Variants in UNC5D observed in about 807,000 individuals in gnomAD.
UNC5D encodes the protein netrin receptor UNC5D.
In UNC5D, 39 loss-of-function variants were observed where a neutral mutation model predicts 105.4. The observed-to-expected ratio is 0.37, with a 90% CI of 0.29 to 0.48. The LOEUF is 0.48. Ranked by LOEUF, UNC5D falls within the 20% of genes least tolerant of loss-of-function variation. UNC5D has a pLI of 0.98. For missense variants in UNC5D, 991 were observed against 1,202.4 expected (o/e 0.82, Z 2.60); for synonymous variants, 452 against 450.4 (o/e 1.00, Z -0.04).
At chr8:35,765,421 G>A (rs1176172130) in intron 14 of UNC5D, among the ~76,000 whole-genome samples, 2 of 152,154 alleles carry the variant, frequency 1.3e-5, no homozygotes, top group South Asian at 2.1e-4. Context: ...TTCTTGAAAT[G>A]CCACTTTTCT....
chr8:35,266,881 G>A (rs1383670975), intron 1 of UNC5D, among the ~76,000 whole-genome samples: 5 of 152,136 alleles, frequency 3.3e-5, no homozygotes, highest in African/African-American at 7.2e-5. Context: ...CCAAAATGGA[G>A]CCTCTGGAGA....
intron 1 of UNC5D, among the ~76,000 whole-genome samples, chr8:35,424,580 C>T (rs576184701): frequency 2.0e-5 from 3 of 152,096 alleles, no homozygotes; most frequent in Non-Finnish European, 4.4e-5. Context: ...AAACAAGATT[C>T]CCTAGACCCC....
At chr8:35,480,049 G>A (rs554590210) in intron 1 of UNC5D, among the ~76,000 whole-genome samples, 10 of 152,256 alleles carry the variant, frequency 6.6e-5, no homozygotes, top group African/African-American at 2.4e-4. Context: ...AGATCACTCT[G>A]AGTTATCAGT....
rs182961215 is a variant in UNC5D, at chr8:35,537,988, G to C, written c.104-11304G>C. Among the ~76,000 whole-genome samples the C allele has an allele frequency of 5.3e-5, 8 of 152,178 alleles. No homozygotes were observed. The East Asian group carries it at 1.5e-3, about 29-fold the overall frequency. Reference sequence around the variant, plus strand: ...ATCCTTTGCTTTCATGGAACCTATAGTCTAGATATACATGATATCCATGAA... The same window carrying C: ...ATCCTTTGCTTTCATGGAACCTATACTCTAGATATACATGATATCCATGAA... On this transcript the variant is annotated intron_variant, in intron 1 of 16. Transcript: ENST00000404895.
chr8:35,265,526 G>A (rs1364898133), intron 1 of UNC5D, among the ~76,000 whole-genome samples: 1 of 152,032 alleles, frequency 6.6e-6, no homozygotes, highest in Non-Finnish European at 1.5e-5. Context: ...TGACCTGCAG[G>A]CTATAGTTTG....
At chr8:35,606,901 T>G (rs1286602808) in intron 4 of UNC5D, among the ~76,000 whole-genome samples, 2 of 152,202 alleles carry the variant, frequency 1.3e-5, no homozygotes, top group Non-Finnish European at 2.9e-5. Context: ...AGGATTCCTA[T>G]GAGAGGACAG....
chr8:35,371,914 A>G (rs28676524), intron 1 of UNC5D, among the ~76,000 whole-genome samples: 7,980 of 152,248 alleles, frequency 0.052, 243 homozygotes, highest in African/African-American at 0.086. Flanking sequence ...AAACCAAACA[A>G]GGATGAGCAA....
At position 35,407,507 on chromosome 8, in the gene UNC5D, T is replaced by TTGTATGTA. The variant is rs59074158; in HGVS notation, c.104-141751_104-141744dup. Among the ~76,000 whole-genome samples, 694 of 150,916 alleles carry TTGTATGTA rather than the reference T, an allele frequency of 4.6e-3. 2 individuals carry two copies. Among genetic ancestry groups the TTGTATGTA allele is most frequent in the African/African-American group, 0.011 (433 of 40,968 alleles). On this transcript the variant is annotated intron_variant, in intron 1 of 16. Transcript: ENST00000404895. ...GCACTACAGAAATACAGGTTTTCATTTGTATGTATGTATGTATGTATGTAT... is the reference window on the plus strand; with the variant it reads ...GCACTACAGAAATACAGGTTTTCATTTGTATGTATGTATGTATGTATGTATGTATGTAT...
chr8:35,603,499 C>A (rs1326218960), intron 4 of UNC5D, among the ~76,000 whole-genome samples: 1 of 151,996 alleles, frequency 6.6e-6, no homozygotes, highest in African/African-American at 2.4e-5. Flanking sequence ...TGGTGTGGTG[C>A]TGAAAAGAAT....
chr8:35,525,537 G>A, intron 1 of UNC5D: 2 of 1,612,348 alleles, frequency 1.2e-6, no homozygotes, highest in South Asian at 1.1e-5. Context: ...TAGGGGAGGA[G>A]GGGTTTCTGT....
intron 1 of UNC5D, among the ~76,000 whole-genome samples, chr8:35,334,247 T>C (rs572782187): frequency 2.0e-5 from 3 of 151,942 alleles, no homozygotes; most frequent in African/African-American, 4.8e-5. Context: ...AGTGAAAACA[T>C]TGAGTAGGGA....
chr8:35,533,995 A>G (rs1001576844), intron 1 of UNC5D, among the ~76,000 whole-genome samples: 7 of 150,776 alleles, frequency 4.6e-5, no homozygotes, highest in Non-Finnish European at 8.8e-5. Flanking sequence ...AAATGTAGAA[A>G]TCACCCGTCT....
At chr8:35,586,548 T>A (rs558464975) in intron 3 of UNC5D, among the ~76,000 whole-genome samples, 1 of 152,300 alleles carries the variant, frequency 6.6e-6, no homozygotes, top group South Asian at 2.1e-4. Context: ...CCATCCTGCA[T>A]GTGAACCAGC....
intron 1 of UNC5D, among the ~76,000 whole-genome samples, chr8:35,476,674 C>T (rs1810122299): frequency 6.6e-6 from 1 of 152,174 alleles, no homozygotes; most frequent in Non-Finnish European, 1.5e-5. Flanking sequence ...ACCCTGCCTT[C>T]TGAAAGGCTA....
At chr8:35,709,917 A>C (rs1053449504) in intron 8 of UNC5D, among the ~76,000 whole-genome samples, 3 of 152,174 alleles carry the variant, frequency 2.0e-5, no homozygotes, top group Non-Finnish European at 4.4e-5. Context: ...AGCTAAGGTC[A>C]GAGAAGCAAG....
intron 1 of UNC5D, among the ~76,000 whole-genome samples, chr8:35,257,937 C>A (rs539787366): frequency 6.6e-6 from 1 of 152,288 alleles, no homozygotes; most frequent in East Asian, 1.9e-4. Context: ...TCAATTCATT[C>A]CAAAACAATG....
chr8:35,608,469 C>T (rs1188399838), intron 4 of UNC5D, among the ~76,000 whole-genome samples: 5 of 152,174 alleles, frequency 3.3e-5, no homozygotes, highest in East Asian at 1.9e-4. Flanking sequence ...AATTTTGTTA[C>T]GTGCATAGGT....
chr8:35,289,803 C>A (rs184150800), intron 1 of UNC5D, among the ~76,000 whole-genome samples: 2 of 152,036 alleles, frequency 1.3e-5, no homozygotes, highest in Non-Finnish European at 2.9e-5. Flanking sequence ...CTCAGCATTG[C>A]AAATCATTAG....
chr8:35,778,395 A>G (rs1342472253), intron 16 of UNC5D, among the ~76,000 whole-genome samples: 2 of 152,198 alleles, frequency 1.3e-5, no homozygotes, highest in Non-Finnish European at 2.9e-5. Context: ...ATCTGTCACA[A>G]CTTCCCATTG....
Sources: gnomAD v4.1 joint callset for allele counts (sites outside exome capture counted in the v4.1 genomes callset) on GRCh38, gnomAD v4.1.1 for gene constraint, MANE v1.5 for transcripts, NCBI Gene and HGNC (gene_info 2026-07-23, HGNC 2026-07-21) for gene names.